ROBO1: variants seen among roughly 807,000 people sequenced by gnomAD.
ROBO1 encodes roundabout homolog 1.
In ROBO1, 149 loss-of-function variants were observed where a neutral mutation model predicts 195.9. The ratio of observed to expected loss-of-function variants is 0.76; its 90% CI spans 0.67 to 0.87. The LOEUF is 0.87. ROBO1 is among the 40% of genes least tolerant of loss of function. The pLI is 0.00. For synonymous variants in ROBO1, 816 were observed against 733.2 expected (o/e 1.11, Z -1.82); for missense variants, 1,933 against 2,068.3 (o/e 0.93, Z 1.27).
At chr3:79,454,474 C>T (rs1166956060) in intron 2 of ROBO1, among the ~76,000 whole-genome samples, 3 of 152,060 alleles carry the variant, frequency 2.0e-5, no homozygotes, top group Non-Finnish European at 4.4e-5. Flanking sequence ...AAGCATCAGA[C>T]ACACAGAAGC....
intron 2 of ROBO1, among the ~76,000 whole-genome samples, chr3:79,254,756 T>C (rs1329342027): frequency 6.6e-6 from 1 of 152,182 alleles, no homozygotes. Flanking sequence ...ATGCCCCTTA[T>C]TGGGTGTAAG....
At chr3:78,693,147 C>T (rs1051223277) in intron 8 of ROBO1, 4 of 563,676 alleles carry the variant, frequency 7.1e-6, no homozygotes, top group Non-Finnish European at 1.2e-5. Context: ...AGTTAGCAAC[C>T]CCGTTACCTT....
intron 4 of ROBO1, among the ~76,000 whole-genome samples, chr3:78,823,851 TC>T (rs1199370344): frequency 6.6e-6 from 1 of 152,172 alleles, no homozygotes; most frequent in Non-Finnish European, 1.5e-5. Context: ...AGTATGAATT[TC>T]TTTTTTTCTC....
intron 3 of ROBO1, among the ~76,000 whole-genome samples, chr3:79,027,279 A>G (rs185934231): frequency 5.9e-5 from 9 of 152,258 alleles, no homozygotes; most frequent in African/African-American, 2.2e-4. Context: ...AAGTAGTTCT[A>G]AATATTCAAT....
intron 1 of ROBO1, among the ~76,000 whole-genome samples, chr3:79,672,667 G>A (rs1946665636): frequency 1.3e-5 from 2 of 151,818 alleles, no homozygotes; most frequent in South Asian, 4.1e-4. Context: ...GTAGTTGTTG[G>A]CTGTTGTATC....
chr3:79,038,739 A>C (rs1276175853), intron 3 of ROBO1, among the ~76,000 whole-genome samples: 4 of 152,018 alleles, frequency 2.6e-5, no homozygotes, highest in Admixed American at 6.6e-5. Flanking sequence ...AACTCTCCCT[A>C]ACATCGCATC....
chr3:79,639,554 G>A (rs1057144963), intron 1 of ROBO1, among the ~76,000 whole-genome samples: 2 of 152,098 alleles, frequency 1.3e-5, no homozygotes, highest in Non-Finnish European at 2.9e-5. Flanking sequence ...CAGGGAAAAT[G>A]TCTAGCATTT....
intron 26 of ROBO1, among the ~76,000 whole-genome samples, chr3:78,618,709 G>T (rs558440838): frequency 2.6e-5 from 4 of 151,996 alleles, no homozygotes; most frequent in South Asian, 4.2e-4. Context: ...TGCATTTATT[G>T]TTATTCTATC....
At chr3:79,431,624 C>A (rs377245829) in intron 2 of ROBO1, among the ~76,000 whole-genome samples, 1 of 152,202 alleles carries the variant, frequency 6.6e-6, no homozygotes, top group East Asian at 1.9e-4. Flanking sequence ...GCAATGTAAT[C>A]AGGATTATTT....
intron 2 of ROBO1, among the ~76,000 whole-genome samples, chr3:79,542,909 T>A (rs1022745938): frequency 6.6e-6 from 1 of 152,076 alleles, no homozygotes; most frequent in Non-Finnish European, 1.5e-5. Flanking sequence ...TTCATTTTAA[T>A]TAACAAAATT....
intron 1 of ROBO1, among the ~76,000 whole-genome samples, chr3:79,614,002 AT>A (rs1944744778): frequency 6.6e-6 from 1 of 152,106 alleles, no homozygotes; most frequent in Admixed American, 6.6e-5. Context: ...AACAACAGAG[AT>A]TTAAAATGCA....
chr3:78,629,298 C>CT (rs202040928), intron 25 of ROBO1, among the ~76,000 whole-genome samples: 1,489 of 131,110 alleles, frequency 0.011, 18 homozygotes, highest in African/African-American at 0.034. Context: ...TCCTATATTG[C>CT]TTTTTTTTTA....
intron 4 of ROBO1, among the ~76,000 whole-genome samples, chr3:78,794,004 T>C (rs564020381): frequency 6.6e-6 from 1 of 152,328 alleles, no homozygotes; most frequent in South Asian, 2.1e-4. Flanking sequence ...ATTAACTTTG[T>C]GACTTTTAAA....
intron 3 of ROBO1, among the ~76,000 whole-genome samples, chr3:79,088,345 G>A (rs2079413330): frequency 6.6e-6 from 1 of 152,038 alleles, no homozygotes; most frequent in African/African-American, 2.4e-5. Flanking sequence ...CTGTAACTCT[G>A]GTGAGAGAAA....
At chr3:79,287,717 G>A (rs935815474) in intron 2 of ROBO1, among the ~76,000 whole-genome samples, 6 of 152,010 alleles carry the variant, frequency 3.9e-5, no homozygotes, top group African/African-American at 7.2e-5. Flanking sequence ...CCCAAATCCC[G>A]CCTATACAAC....
At chr3:79,191,236 T>C (rs1213502438) in intron 2 of ROBO1, among the ~76,000 whole-genome samples, 1 of 151,548 alleles carries the variant, frequency 6.6e-6, no homozygotes, top group Admixed American at 6.6e-5. Context: ...ACTATTATTA[T>C]GATAAAATTT....
chr3:79,403,905 G>A (rs2037454502), intron 2 of ROBO1, among the ~76,000 whole-genome samples: 1 of 151,770 alleles, frequency 6.6e-6, no homozygotes, highest in Non-Finnish European at 1.5e-5. Flanking sequence ...GCAGAAGCTG[G>A]GATGAATGCT....
intron 2 of ROBO1, among the ~76,000 whole-genome samples, chr3:79,554,601 G>A (rs1942634558): frequency 1.3e-5 from 2 of 152,032 alleles, no homozygotes; most frequent in Admixed American, 6.6e-5. Context: ...CTTGGAATGT[G>A]CTGTAAGAGA....
chr3:78,849,386 G>A (rs1282476729), intron 4 of ROBO1, among the ~76,000 whole-genome samples: 1 of 152,008 alleles, frequency 6.6e-6, no homozygotes, highest in African/African-American at 2.4e-5. Context: ...ATTATATCAT[G>A]TTATAACTAC....
Sources: allele counts gnomAD v4.1 joint callset (sites outside exome capture counted in the v4.1 genomes callset), GRCh38; gene constraint gnomAD v4.1.1; transcripts MANE v1.5; gene names NCBI Gene and HGNC (gene_info 2026-07-23, HGNC 2026-07-21).